The following DYNC2H1 variants were observed in gnomAD, a reference collection of about 807,000 sequenced individuals.
DYNC2H1 encodes the protein cytoplasmic dynein 2 heavy chain 1.
DYNC2H1 carries 410 observed loss-of-function variants against 570.0 expected under a neutral mutation model. That is an observed-to-expected ratio of 0.72 (90% CI 0.66 to 0.78). DYNC2H1 has a LOEUF of 0.78. Among genes scored for constraint, DYNC2H1 ranks in the 30% least tolerant of loss-of-function variants. DYNC2H1 has a pLI of 0.00. For synonymous variants in DYNC2H1, 1,688 were observed against 1,677.6 expected (o/e 1.01, Z -0.15); for missense variants, 4,865 against 5,046.4 (o/e 0.96, Z 1.09).
At chr11:103,312,642 T>G (rs1867655052) in intron 79 of DYNC2H1, among the ~76,000 whole-genome samples, 1 of 150,312 alleles carries the variant, frequency 6.7e-6, no homozygotes, top group African/African-American at 2.5e-5. Flanking sequence ...ATGACTTAAA[T>G]TTATATCCTT....
intron 18 of DYNC2H1, 141 bp from the exon 19 acceptor site, chr11:103,147,631 C>G: frequency 1.8e-6 from 1 of 560,286 alleles, no homozygotes; most frequent in South Asian, 2.8e-5. Flanking sequence ...TAAATTAAAT[C>G]TAAATGTGCT....
chr11:103,389,341 G>A (rs546261571), intron 83 of DYNC2H1, among the ~76,000 whole-genome samples: 1 of 152,226 alleles, frequency 6.6e-6, no homozygotes, highest in East Asian at 1.9e-4. Context: ...TGGGATCGGT[G>A]GTGATACCCC....
intron 18 of DYNC2H1, among the ~76,000 whole-genome samples, chr11:103,146,328 A>G (rs768842760): frequency 1.1e-4 from 17 of 152,228 alleles, no homozygotes; most frequent in Non-Finnish European, 2.2e-4. Context: ...TTAACTTTGT[A>G]TAATTTAAGA....
chr11:103,309,350 T>C (rs1867462787), intron 78 of DYNC2H1, among the ~76,000 whole-genome samples: 1 of 143,888 alleles, frequency 6.9e-6, no homozygotes, highest in Non-Finnish European at 1.5e-5. Context: ...TTTTTTTATT[T>C]CTTTTCTTTT....
At chr11:103,450,440 T>C (rs981628164) in intron 85 of DYNC2H1, among the ~76,000 whole-genome samples, 2 of 152,210 alleles carry the variant, frequency 1.3e-5, no homozygotes, top group African/African-American at 2.4e-5. Flanking sequence ...TTCTGTGCCA[T>C]ACAGCTAGTC....
chr11:103,462,888 C>T (rs1945066637), intron 87 of DYNC2H1, among the ~76,000 whole-genome samples: 1 of 151,868 alleles, frequency 6.6e-6, no homozygotes, highest in Admixed American at 6.6e-5. Context: ...AGGGGGTAAA[C>T]CTTAATAGTG....
chr11:103,421,871 A>G (rs1943500145), intron 84 of DYNC2H1, among the ~76,000 whole-genome samples: 1 of 151,638 alleles, frequency 6.6e-6, no homozygotes. Context: ...GCTGAACTTT[A>G]AAAAGCCTTT....
In DYNC2H1 at chr11:103,220,620, T is replaced by C. The variant is rs1440522009; in HGVS notation, c.8947-3T>C. 1.9e-6 allele frequency: 3 copies of C among 1,593,958 alleles called. No individual in the cohort carries two copies. The highest frequency in any genetic ancestry group is 2.6e-6 in the Non-Finnish European group (3 of 1,171,938). Reference sequence around the variant, plus strand: ...AGATAAAAATGGCCTTTTTCTCTTTTAGCCTTTAGTCAATGAAGCTAAACT... The same window carrying C: ...AGATAAAAATGGCCTTTTTCTCTTTCAGCCTTTAGTCAATGAAGCTAAACT... On this transcript the variant is annotated splice_polypyrimidine_tract_variant and splice_region_variant and intron_variant, in intron 56 of 88. Coordinates refer to ENST00000375735, the MANE Select transcript of DYNC2H1 (RefSeq NM_001377.3).
chr11:103,183,430 A>G (rs893586600), intron 40 of DYNC2H1, among the ~76,000 whole-genome samples: 3 of 152,036 alleles, frequency 2.0e-5, no homozygotes, highest in African/African-American at 2.4e-5. Flanking sequence ...GTGAATACCA[A>G]AGATTCAGTT....
chr11:103,273,461 T>C (rs558633607), intron 70 of DYNC2H1, among the ~76,000 whole-genome samples: 9 of 152,328 alleles, frequency 5.9e-5, no homozygotes, highest in African/African-American at 1.9e-4. Context: ...GATGTTGGGA[T>C]TACAGGCATA....
At position 103,446,438 on chromosome 11, in the gene DYNC2H1, A is replaced by C. The variant is rs1662795849; in HGVS notation, c.12457-8748A>C. ...ATTATCAACTATGTCAAATGCTGTAAGTGAGGTTAGAGAAAAATCATGTTT... is the reference window on the plus strand; with the variant it reads ...ATTATCAACTATGTCAAATGCTGTACGTGAGGTTAGAGAAAAATCATGTTT... On this transcript the variant is annotated intron_variant, in intron 85 of 88. Coordinates refer to ENST00000375735, the MANE Select transcript of DYNC2H1 (RefSeq NM_001377.3). The surrounding 1 kb of genome is among the most constrained non-coding windows in gnomAD (Gnocchi z 4.5). 6.6e-6 allele frequency among the ~76,000 whole-genome samples: 1 copy of C among 152,214 alleles called. No homozygotes were observed. The highest frequency in any genetic ancestry group is 6.5e-5 in the Admixed American group (1 of 15,280).
intron 20 of DYNC2H1, among the ~76,000 whole-genome samples, chr11:103,150,217 G>A (rs977779244): frequency 9.2e-5 from 14 of 152,162 alleles, no homozygotes; most frequent in African/African-American, 3.1e-4. Context: ...GTCTTTAGAG[G>A]GCTTTAAGTG....
rs763130666 is a variant in DYNC2H1, at chr11:103,152,118, T to TG, written c.2947-18_2947-17insG. The stretch of plus-strand genomic sequence containing the variant: ...AATAGGTTGTTATTCAATTTGTTTT[T>TG]TTTTTTTTAACCTTTAGATTTTGCC... On this transcript the variant is annotated splice_polypyrimidine_tract_variant and intron_variant, in intron 20 of 88. Coordinates refer to ENST00000375735, the MANE Select transcript of DYNC2H1 (RefSeq NM_001377.3). The TG allele has an allele frequency of 3.2e-6, 5 of 1,573,004 alleles. No individual in the cohort carries two copies. Among genetic ancestry groups the TG allele is most frequent in the Non-Finnish European group, 4.3e-6 (5 of 1,160,864 alleles).
intron 84 of DYNC2H1, among the ~76,000 whole-genome samples, chr11:103,414,626 G>GA (rs1409687033): frequency 3.3e-5 from 5 of 152,116 alleles, no homozygotes; most frequent in African/African-American, 1.2e-4. Context: ...TGTAGATTTA[G>GA]AAAACCCCAT....
In DYNC2H1 at chr11:103,170,356, T is replaced by C; in HGVS notation, c.5151+66T>C. The C allele has an allele frequency of 1.5e-6, 2 of 1,362,166 alleles. No individual in the cohort carries two copies. The highest frequency in any genetic ancestry group is 5.2e-5 in the East Asian group (2 of 38,448). The allele number at this position is 1,362,166 out of a possible 1,614,324, so 84.4% of individuals were successfully genotyped here. On this transcript the variant is annotated intron_variant, in intron 33 of 88. Coordinates refer to ENST00000375735, the MANE Select transcript of DYNC2H1 (RefSeq NM_001377.3). This position sits in a 1 kb window ranked among gnomAD's most constrained non-coding sequence, Gnocchi z 4.8. ...TCATATTTAGATTAGTTTCTATTAG[T>C]ATATGAAATACTCTACTTAAAAATC...
intron 63 of DYNC2H1, 37 bp downstream of exon 63, chr11:103,236,576 T>G (rs1334814082): frequency 8.8e-7 from 1 of 1,141,768 alleles, no homozygotes; most frequent in Non-Finnish European, 1.3e-6. Context: ...TTAGAAATGT[T>G]TTATTGTCAA....
Position 103,205,067 on chromosome 11 carries a change from A to G in DYNC2H1, c.8454+103A>G, listed in dbSNP as rs1325111052. The G allele has an allele frequency of 1.3e-5, 13 of 1,020,848 alleles. No homozygotes were observed. The highest frequency in any genetic ancestry group is 1.8e-5 in the Non-Finnish European group (13 of 717,518). The allele number at this position is 1,020,848 out of a possible 1,614,324, so 63.2% of individuals were successfully genotyped here. A position where few individuals can be genotyped will look rare whatever the true frequency, so the allele number is the denominator to read the frequency against. On this transcript the variant is annotated intron_variant, in intron 52 of 88. Transcript: ENST00000375735. This position sits in a 1 kb window ranked among gnomAD's most constrained non-coding sequence, Gnocchi z 4.5. Reference sequence around the variant, plus strand: ...TGTTGGTTATAACATCACCTTAATTATGGCACCAAACATCTCTTATGTTTG... The same window carrying G: ...TGTTGGTTATAACATCACCTTAATTGTGGCACCAAACATCTCTTATGTTTG...
chr11:103,161,477 G>A (rs1861090254), intron 29 of DYNC2H1, among the ~76,000 whole-genome samples: 1 of 152,044 alleles, frequency 6.6e-6, no homozygotes, highest in African/African-American at 2.4e-5. Context: ...TGTCAGTTCA[G>A]CATCCCTAAT....
At chr11:103,141,360 G>A (rs1284300556) in intron 17 of DYNC2H1, among the ~76,000 whole-genome samples, 1 of 152,096 alleles carries the variant, frequency 6.6e-6, no homozygotes, top group Non-Finnish European at 1.5e-5. Flanking sequence ...TTCAATGATG[G>A]TGATGTACAG....
Sources: gnomAD v4.1 joint callset for allele counts (sites outside exome capture counted in the v4.1 genomes callset) on GRCh38, gnomAD v4.1.1 for gene constraint, Gnocchi (gnomAD v3.1) non-coding constraint, MANE v1.5 for transcripts, NCBI Gene and HGNC (gene_info 2026-07-23, HGNC 2026-07-21) for gene names.